The following SULF1 variants were observed in gnomAD, a reference collection of about 807,000 sequenced individuals.
SULF1 encodes extracellular sulfatase Sulf-1.
Under a neutral mutation model 110.5 loss-of-function variants are expected in SULF1, and 46 were observed. The observed-to-expected ratio is 0.42, with a 90% CI of 0.33 to 0.53. SULF1 has a LOEUF of 0.53. Among genes scored for constraint, SULF1 ranks in the 20% least tolerant of loss-of-function variants. SULF1 has a pLI of 0.12. For missense variants in SULF1, 941 were observed against 1,094.2 expected (o/e 0.86, Z 1.98); for synonymous variants, 371 against 387.1 (o/e 0.96, Z 0.49).
intron 6 of SULF1, among the ~76,000 whole-genome samples, chr8:69,579,059 G>A (rs556805488): frequency 9.7e-4 from 147 of 151,774 alleles, no homozygotes; most frequent in Non-Finnish European, 1.9e-3. Context: ...TACTTGGGAG[G>A]CTGAGGCAGG....
chr8:69,532,811 C>T (rs1312962715), intron 3 of SULF1, among the ~76,000 whole-genome samples: 2 of 152,138 alleles, frequency 1.3e-5, no homozygotes, highest in Admixed American at 6.5e-5. Flanking sequence ...ACAGCAACTC[C>T]GCCCTTTCCC....
intron 1 of SULF1, among the ~76,000 whole-genome samples, chr8:69,472,485 C>T (rs1004865908): frequency 6.6e-6 from 1 of 152,222 alleles, no homozygotes; most frequent in African/African-American, 2.4e-5. Flanking sequence ...TCTGCCTTTT[C>T]CCTGGAAGGG....
chr8:69,605,544 A>T (rs1256797406), intron 13 of SULF1, among the ~76,000 whole-genome samples: 2 of 152,226 alleles, frequency 1.3e-5, no homozygotes, highest in East Asian at 3.8e-4. Flanking sequence ...AATACCAGTT[A>T]TTATCAGTAA....
intron 22 of SULF1, among the ~76,000 whole-genome samples, chr8:69,648,299 A>G (rs964328831): frequency 8.5e-5 from 13 of 152,170 alleles, no homozygotes; most frequent in Admixed American, 3.3e-4. Context: ...TATTAATTAA[A>G]ATATCCTGCC....
chr8:69,486,903 G>A lies in SULF1; in HGVS notation c.-390-8862G>A, dbSNP rs140180315. Among the ~76,000 whole-genome samples the A allele has an allele frequency of 2.5e-3, 378 of 152,280 alleles. 9 individuals carry two copies. Among genetic ancestry groups the A allele is most frequent in the Admixed American group, 0.021 (317 of 15,298 alleles). The stretch of plus-strand genomic sequence containing the variant: ...ACTACTGTTGTTCTGAAAAAGCAAG[G>A]CATGCGCGCACTTACTTAATATGTT... On this transcript the variant is annotated intron_variant, in intron 1 of 22. Coordinates refer to the SULF1 transcript ENST00000260128.
intron 8 of SULF1, among the ~76,000 whole-genome samples, chr8:69,591,513 G>A (rs1423158068): frequency 6.6e-6 from 1 of 151,390 alleles, no homozygotes; most frequent in Non-Finnish European, 1.5e-5. Flanking sequence ...GCAGTGAGCC[G>A]AGATCGCACC....
intron 19 of SULF1, among the ~76,000 whole-genome samples, chr8:69,635,752 C>T (rs1162167140): frequency 1.3e-5 from 2 of 152,126 alleles, no homozygotes; most frequent in East Asian, 3.9e-4. Context: ...TACCTGTAGT[C>T]CCAGCACCAC....
chr8:69,495,493 C>T (rs184790315), intron 1 of SULF1, among the ~76,000 whole-genome samples: 12 of 152,282 alleles, frequency 7.9e-5, no homozygotes, highest in Non-Finnish European at 1.0e-4. Flanking sequence ...AAGAAATGGT[C>T]ACTATCTGGA....
At chr8:69,647,785 G>A (rs1812035400) in intron 22 of SULF1, among the ~76,000 whole-genome samples, 1 of 151,882 alleles carries the variant, frequency 6.6e-6, no homozygotes, top group Non-Finnish European at 1.5e-5. Context: ...CCAGCTACTC[G>A]GGAGGCTGAG....
chr8:69,546,888 A>G (rs1586364530), intron 3 of SULF1, among the ~76,000 whole-genome samples: 1 of 152,212 alleles, frequency 6.6e-6, no homozygotes, highest in South Asian at 2.1e-4. Flanking sequence ...GGGTTTGTGC[A>G]GAAAGAATAA....
chr8:69,586,859 C>T (rs1392767088), intron 7 of SULF1, among the ~76,000 whole-genome samples: 1 of 152,200 alleles, frequency 6.6e-6, no homozygotes, highest in Non-Finnish European at 1.5e-5. Flanking sequence ...TACTGTTTTA[C>T]TTTTCACTGG....
chr8:69,608,778 G>C (rs147966836), intron 13 of SULF1, among the ~76,000 whole-genome samples: 1 of 152,128 alleles, frequency 6.6e-6, no homozygotes, highest in Non-Finnish European at 1.5e-5. Context: ...AACAACCAGC[G>C]GGGACTAATT....
intron 6 of SULF1, among the ~76,000 whole-genome samples, chr8:69,584,017 G>A (rs1359032778): frequency 2.0e-5 from 3 of 152,228 alleles, no homozygotes; most frequent in African/African-American, 7.2e-5. Flanking sequence ...AGAGAAATAG[G>A]AGATGGGGTT....
chr8:69,638,281 C>T, intron 19 of SULF1: 1 of 572,460 alleles, frequency 1.7e-6, no homozygotes, highest in Non-Finnish European at 3.0e-6. Flanking sequence ...TAGTCTTCAG[C>T]CTATAAGAGA....
Position 69,627,206 on chromosome 8 carries a change from G to T in SULF1, c.1851-4G>T. ...ATTTCACATGGTTTTGGTTTGTTTTGCAGGTGTTTTATTCTTCCCAATGAC... is the reference window on the plus strand; with the variant it reads ...ATTTCACATGGTTTTGGTTTGTTTTTCAGGTGTTTTATTCTTCCCAATGAC... On this transcript the variant is annotated splice_polypyrimidine_tract_variant and splice_region_variant and intron_variant, in intron 15 of 22. Transcript: ENST00000402687. The T allele has an allele frequency of 1.9e-6, 3 of 1,612,164 alleles. No individual in the cohort carries two copies. Among genetic ancestry groups the T allele is most frequent in the Non-Finnish European group, 2.5e-6 (3 of 1,178,340 alleles).
chr8:69,543,408 G>C (rs1049060801), intron 3 of SULF1, among the ~76,000 whole-genome samples: 18 of 150,496 alleles, frequency 1.2e-4, no homozygotes, highest in African/African-American at 4.2e-4. Flanking sequence ...AGTGTGTGCT[G>C]TTTCCCTCCC....
At chr8:69,638,910 T>C in intron 21 of SULF1, 52 bp downstream of exon 21, 7 of 1,549,302 alleles carry the variant, frequency 4.5e-6, no homozygotes, top group Non-Finnish European at 6.1e-6. Flanking sequence ...TTCTTTGTGT[T>C]ACTGAGCTTT....
chr8:69,589,096 C>T lies in SULF1; in HGVS notation c.689C>T (p.Ser230Leu). 1 of 1,614,190 alleles carries T rather than the reference C, an allele frequency of 6.2e-7. No individual in the cohort carries two copies. Among genetic ancestry groups the T allele is most frequent in the Non-Finnish European group, 8.5e-7 (1 of 1,180,014 alleles). Residue 230 changes from serine (S) to leucine (L), a missense_variant, in exon 8 of 23, where the codon TCA becomes TTA. Ser to Leu is a moderately radical substitution (Grantham distance 145). Coordinates refer to ENST00000402687, the MANE Select transcript of SULF1 (RefSeq NM_001128205.2). ...SHAAPHGPED[S>L]APQFSKLYPN... Reference sequence around the variant, plus strand: ...GCTGCGCCCCACGGCCCCGAGGACTCAGCCCCACAGTTTTCTAAACTGTAC... The same window carrying T: ...GCTGCGCCCCACGGCCCCGAGGACTTAGCCCCACAGTTTTCTAAACTGTAC...
intron 3 of SULF1, among the ~76,000 whole-genome samples, chr8:69,554,170 T>A (rs894851949): frequency 6.6e-6 from 1 of 152,178 alleles, no homozygotes; most frequent in African/African-American, 2.4e-5. Flanking sequence ...TGCTGAGAAA[T>A]GAAAGTTTAA....
Sources: allele counts gnomAD v4.1 joint callset (sites outside exome capture counted in the v4.1 genomes callset), GRCh38; gene constraint gnomAD v4.1.1; transcripts MANE v1.5; gene names NCBI Gene and HGNC (gene_info 2026-07-23, HGNC 2026-07-21).